The following SEMA3D variants were observed in gnomAD, a reference collection of about 807,000 sequenced individuals.
SEMA3D encodes semaphorin-3D.
A neutral mutation model predicts 100.1 loss-of-function variants in SEMA3D; 84 were observed. That is an observed-to-expected ratio of 0.84 (90% CI 0.70 to 1.01). The LOEUF (loss-of-function observed/expected upper bound fraction) is 1.01, where lower values mean the gene tolerates loss of function less well. SEMA3D is among the 50% of genes least tolerant of loss of function. The pLI is 0.00. For synonymous variants in SEMA3D, 312 were observed against 320.7 expected (o/e 0.97, Z 0.29); for missense variants, 875 against 934.1 (o/e 0.94, Z 0.82).
At chr7:85,072,817 A>T in intron 6 of SEMA3D, 145 bp downstream of exon 6, 3 of 621,008 alleles carry the variant, frequency 4.8e-6, no homozygotes, top group Non-Finnish European at 5.4e-6. Context: ...CATCCTCCTG[A>T]GTATTGGCAT....
At chr7:85,152,409 T>C (rs1056036349) in intron 2 of SEMA3D, among the ~76,000 whole-genome samples, 2 of 152,148 alleles carry the variant, frequency 1.3e-5, no homozygotes, top group Admixed American at 6.6e-5. Context: ...CTAAAATTAA[T>C]AGTTTATAAT....
chr7:85,141,474 A>G (rs1241082880), intron 2 of SEMA3D: 2 of 985,068 alleles, frequency 2.0e-6, no homozygotes, highest in South Asian at 4.7e-5. Context: ...CTCCACTGGA[A>G]GAAGGACATG....
chr7:85,242,445 A>G, the SEMA3D span, among the ~76,000 whole-genome samples: 1 of 152,176 alleles, frequency 6.6e-6, no homozygotes, highest in Non-Finnish European at 1.5e-5. Flanking sequence ...TCTGTGTGCT[A>G]TAGAAAGGTA....
At chr7:85,097,366 T>C (rs562851188) in intron 4 of SEMA3D, among the ~76,000 whole-genome samples, 1 of 151,940 alleles carries the variant, frequency 6.6e-6, no homozygotes, top group South Asian at 2.1e-4. Context: ...CAGTATGGTG[T>C]TTGTTATTAT....
At chr7:85,228,674 T>C in the SEMA3D span, among the ~76,000 whole-genome samples, 3 of 152,212 alleles carry the variant, frequency 2.0e-5, no homozygotes, top group East Asian at 1.9e-4. Flanking sequence ...ATAATTTTTC[T>C]CATCCTTTAT....
chr7:85,201,538 A>G, the SEMA3D span, among the ~76,000 whole-genome samples: 1 of 152,100 alleles, frequency 6.6e-6, no homozygotes, highest in African/African-American at 2.4e-5. Flanking sequence ...TATGTAAATT[A>G]GAGATTTTAG....
At chr7:85,111,211 T>A (rs1160874280) in intron 3 of SEMA3D, among the ~76,000 whole-genome samples, 3 of 152,040 alleles carry the variant, frequency 2.0e-5, no homozygotes, top group African/African-American at 4.8e-5. Flanking sequence ...TTCACAGTCT[T>A]GTAGATTTAA....
At chr7:85,036,633 CAT>C (rs979762895) in intron 12 of SEMA3D, among the ~76,000 whole-genome samples, 3 of 151,924 alleles carry the variant, frequency 2.0e-5, no homozygotes, top group African/African-American at 7.3e-5. Context: ...ATTCTATAAA[CAT>C]AAACATGTTG....
the SEMA3D span, among the ~76,000 whole-genome samples, chr7:85,216,675 G>A: frequency 1.3e-5 from 2 of 151,636 alleles, no homozygotes; most frequent in Non-Finnish European, 2.9e-5. Context: ...TGCTAATAAT[G>A]TTAACTAAGT....
intron 1 of SEMA3D, among the ~76,000 whole-genome samples, chr7:85,154,620 T>C (rs952209812): frequency 6.6e-6 from 1 of 152,166 alleles, no homozygotes; most frequent in Non-Finnish European, 1.5e-5. Context: ...ATGGTCAGGA[T>C]GGCAGTGATT....
intron 3 of SEMA3D, 67 bp from the exon 4 acceptor site, chr7:85,098,032 GAGAA>G (rs1435042187): frequency 4.9e-6 from 4 of 823,428 alleles, no homozygotes; most frequent in Non-Finnish European, 6.9e-6. Context: ...AAAGAAAGGA[GAGAA>G]AGAAGAAAGA....
At chr7:85,088,812 G>A (rs895704381) in intron 4 of SEMA3D, among the ~76,000 whole-genome samples, 4 of 152,162 alleles carry the variant, frequency 2.6e-5, no homozygotes, top group African/African-American at 9.6e-5. Context: ...TACAGAAGAT[G>A]GAGTTCCAGG....
intron 8 of SEMA3D, among the ~76,000 whole-genome samples, chr7:85,059,465 G>A (rs1286299848): frequency 6.6e-6 from 1 of 152,178 alleles, no homozygotes. Context: ...AGAATTTATT[G>A]TAGCACTTGC....
chr7:85,241,467 GTATATATATATA>G, the SEMA3D span, among the ~76,000 whole-genome samples: 17 of 91,976 alleles, frequency 1.8e-4, 1 homozygote, highest in East Asian at 1.6e-3. Flanking sequence ...CTGTGTGTGT[GTATATATATATA>G]TATATATATA....
At chr7:85,039,650 A>G (rs1790799168) in intron 11 of SEMA3D, among the ~76,000 whole-genome samples, 1 of 152,180 alleles carries the variant, frequency 6.6e-6, no homozygotes, top group Non-Finnish European at 1.5e-5. Flanking sequence ...ACAGGAGTAG[A>G]AAACATGAAA....
intron 4 of SEMA3D, among the ~76,000 whole-genome samples, chr7:85,095,417 GA>G (rs972745496): frequency 3.3e-5 from 5 of 150,138 alleles, no homozygotes; most frequent in South Asian, 2.1e-4. Context: ...CTTTCCAAGG[GA>G]AAAAAAAATC....
At chr7:85,183,660 G>A (rs1300114179) in intron 1 of SEMA3D, among the ~76,000 whole-genome samples, 1 of 152,130 alleles carries the variant, frequency 6.6e-6, no homozygotes, top group Non-Finnish European at 1.5e-5. Flanking sequence ...ACCTATGAAG[G>A]CAATTCTGGT....
At chr7:85,202,381 A>C in the SEMA3D span, among the ~76,000 whole-genome samples, 11 of 151,836 alleles carry the variant, frequency 7.2e-5, no homozygotes, top group East Asian at 1.4e-3. Flanking sequence ...CTACAAAGGA[A>C]ATGAACTCAT....
intron 1 of SEMA3D, among the ~76,000 whole-genome samples, chr7:85,162,483 A>T (rs1790773716): frequency 6.6e-6 from 1 of 152,212 alleles, no homozygotes; most frequent in Non-Finnish European, 1.5e-5. Flanking sequence ...CAGAATGCAT[A>T]GCCATTTGTT....
Sources: gnomAD v4.1 joint callset for allele counts (sites outside exome capture counted in the v4.1 genomes callset) on GRCh38, gnomAD v4.1.1 for gene constraint, MANE v1.5 for transcripts, NCBI Gene and HGNC (gene_info 2026-07-23, HGNC 2026-07-21) for gene names.